The following ANO3 variants were observed in gnomAD, a reference collection of about 807,000 sequenced individuals.
The protein encoded by ANO3 is anoctamin 3, also known as anoctamin-3.
In ANO3, 99 loss-of-function variants were observed where a neutral mutation model predicts 144.8. That is an observed-to-expected ratio of 0.68 (90% confidence interval 0.58 to 0.81). The LOEUF is 0.81. ANO3 is among the 30% of genes least tolerant of loss of function. The probability of loss-of-function intolerance (pLI) is 0.00; values close to 1 mark genes in which losing one functional copy is unlikely to be tolerated. For synonymous variants in ANO3, 414 were observed against 392.6 expected (o/e 1.05, Z -0.64); for missense variants, 905 against 1,202.2 (o/e 0.75, Z 3.66).
chr11:26,201,773 T>C (rs2133912675), intron 1 of ANO3, among the ~76,000 whole-genome samples: 1 of 151,908 alleles, frequency 6.6e-6, no homozygotes, highest in East Asian at 1.9e-4. Flanking sequence ...TTTTTTTTTT[T>C]TTTTAACATT....
chr11:26,569,007 T>G (rs1435219814), intron 14 of ANO3, among the ~76,000 whole-genome samples: 1 of 151,980 alleles, frequency 6.6e-6, no homozygotes, highest in Non-Finnish European at 1.5e-5. Flanking sequence ...TGGTCACCAG[T>G]GGGGGGAAAA....
chr11:26,332,921 T>C (rs1179188587), intron 1 of ANO3, among the ~76,000 whole-genome samples: 2 of 152,192 alleles, frequency 1.3e-5, no homozygotes, highest in Admixed American at 1.3e-4. Flanking sequence ...TGTCTTTTAG[T>C]TTCTCCCTCA....
chr11:26,628,022 CAAAGCA>C (rs772358169), intron 18 of ANO3, among the ~76,000 whole-genome samples: 6 of 151,816 alleles, frequency 4.0e-5, no homozygotes, highest in Non-Finnish European at 5.9e-5. Flanking sequence ...TCAAAAACCA[CAAAGCA>C]AAAGAGATAA....
intron 1 of ANO3, among the ~76,000 whole-genome samples, chr11:26,319,072 GCTCACATGACCCT>G (rs1854695447): frequency 6.6e-6 from 1 of 151,940 alleles, no homozygotes; most frequent in South Asian, 2.1e-4. Context: ...AAGCTCCCAG[GCTCACATGACCCT>G]CCCACCTCAG....
intron 1 of ANO3, among the ~76,000 whole-genome samples, chr11:26,432,105 A>G (rs1858116910): frequency 1.3e-5 from 2 of 152,042 alleles, no homozygotes; most frequent in African/African-American, 4.8e-5. Context: ...TTATTCTGAC[A>G]GATGTGAGAT....
At chr11:26,586,114 G>T (rs17243461) in intron 14 of ANO3, among the ~76,000 whole-genome samples, 4,673 of 152,172 alleles carry the variant, frequency 0.031, 103 homozygotes, top group Non-Finnish European at 0.049. Flanking sequence ...AGGCTACTCT[G>T]ATCAACCCTG....
chr11:26,636,164 C>A (rs936356408), intron 20 of ANO3, among the ~76,000 whole-genome samples: 1 of 152,144 alleles, frequency 6.6e-6, no homozygotes, highest in Non-Finnish European at 1.5e-5. Flanking sequence ...CGTACCACTG[C>A]ACTCCAGCTT....
At chr11:26,460,423 G>C (rs1486283722) in intron 3 of ANO3, among the ~76,000 whole-genome samples, 3 of 46,968 alleles carry the variant, frequency 6.4e-5, no homozygotes, top group South Asian at 1.7e-3. Flanking sequence ...GAAGAAAGGG[G>C]GGGGGGCGGG....
chr11:26,456,934 A>C (rs1859184920), intron 3 of ANO3, among the ~76,000 whole-genome samples: 1 of 150,528 alleles, frequency 6.6e-6, no homozygotes, highest in African/African-American at 2.5e-5. Context: ...AGGGACATGG[A>C]TGAAATTGGA....
chr11:26,281,253 A>G (rs1194974730), intron 1 of ANO3, among the ~76,000 whole-genome samples: 5 of 152,302 alleles, frequency 3.3e-5, no homozygotes, highest in Non-Finnish European at 5.9e-5. Context: ...ATTAATATAT[A>G]TAATCCTATA....
chr11:26,225,202 A>G (rs1242782669), intron 1 of ANO3, among the ~76,000 whole-genome samples: 2 of 152,190 alleles, frequency 1.3e-5, no homozygotes, highest in African/African-American at 4.8e-5. Context: ...GAAAATTTAA[A>G]TAAGAAATTA....
chr11:26,393,625 C>A (rs1489617905), intron 1 of ANO3, among the ~76,000 whole-genome samples: 2 of 152,112 alleles, frequency 1.3e-5, no homozygotes, highest in Non-Finnish European at 2.9e-5. Context: ...TTTATGTAAT[C>A]ATACTAATGG....
At chr11:26,531,537 T>C (rs1367062356) in intron 8 of ANO3, among the ~76,000 whole-genome samples, 1 of 152,206 alleles carries the variant, frequency 6.6e-6, no homozygotes, top group Admixed American at 6.5e-5. Context: ...TTAGAGACAT[T>C]CAGTAGTGAA....
chr11:26,516,561 G>A (rs964223905), intron 5 of ANO3, among the ~76,000 whole-genome samples: 3 of 151,822 alleles, frequency 2.0e-5, no homozygotes, highest in Admixed American at 1.3e-4. Flanking sequence ...GTTCTGATTG[G>A]GGATTCTGCA....
In ANO3 at chr11:26,533,535, A is replaced by G. The variant is rs565950196; in HGVS notation, c.870-921A>G. 2.1e-3 allele frequency among the ~76,000 whole-genome samples: 316 copies of G among 152,276 alleles called. 1 individual carries two copies. Among genetic ancestry groups the G allele is most frequent in the Admixed American group, 2.8e-3 (43 of 15,290 alleles). On this transcript the variant is annotated intron_variant, in intron 8 of 26. Transcript: ENST00000256737. The stretch of plus-strand genomic sequence containing the variant: ...ACCGAGAGCCTTGGAGGAAAATAAG[A>G]AATTTAATGATGCTTGTAGAGGAAA...
At chr11:26,468,581 T>C (rs756452568) in intron 4 of ANO3, among the ~76,000 whole-genome samples, 4 of 151,948 alleles carry the variant, frequency 2.6e-5, no homozygotes, top group Admixed American at 6.6e-5. Flanking sequence ...ATGGAGAAGG[T>C]GAGAAAGAGA....
chr11:26,598,468 G>A (rs761009460), intron 15 of ANO3, 21 bp downstream of exon 15: 1 of 1,510,712 alleles, frequency 6.6e-7, no homozygotes, highest in Non-Finnish European at 9.0e-7. Flanking sequence ...AGGATACAAG[G>A]AAATAGGGAA....
intron 1 of ANO3, among the ~76,000 whole-genome samples, chr11:26,318,815 G>A (rs1463263454): frequency 6.6e-6 from 1 of 152,160 alleles, no homozygotes; most frequent in Non-Finnish European, 1.5e-5. Flanking sequence ...TCCTACTGAG[G>A]AATATGGATA....
chr11:26,352,633 A>G (rs1035952504), intron 1 of ANO3, among the ~76,000 whole-genome samples: 2 of 152,210 alleles, frequency 1.3e-5, no homozygotes, highest in Non-Finnish European at 2.9e-5. Context: ...ATCAAAATGA[A>G]TGTGACTTTT....
Sources: allele counts gnomAD v4.1 joint callset (sites outside exome capture counted in the v4.1 genomes callset), GRCh38; gene constraint gnomAD v4.1.1; transcripts MANE v1.5; gene names NCBI Gene and HGNC (gene_info 2026-07-23, HGNC 2026-07-21).